MACROD2: variants seen among roughly 807,000 people sequenced by gnomAD.
MACROD2 encodes the protein ADP-ribose glycohydrolase MACROD2.
Under a neutral mutation model 70.4 loss-of-function variants are expected in MACROD2, and 36 were observed. The observed-to-expected ratio is 0.51, with a 90% CI of 0.39 to 0.68. The LOEUF (loss-of-function observed/expected upper bound fraction) is 0.68, where lower values mean the gene tolerates loss of function less well. Ranked by LOEUF, MACROD2 falls within the 30% of genes least tolerant of loss-of-function variation. The probability of loss-of-function intolerance (pLI) is 0.00; values close to 1 mark genes in which losing one functional copy is unlikely to be tolerated. For missense variants in MACROD2, 496 were observed against 538.4 expected (o/e 0.92, Z 0.78); for synonymous variants, 172 against 178.8 (o/e 0.96, Z 0.30).
intron 5 of MACROD2, among the ~76,000 whole-genome samples, chr20:14,844,914 T>C (rs1164287570): frequency 6.6e-6 from 1 of 152,122 alleles, no homozygotes; most frequent in Non-Finnish European, 1.5e-5. Flanking sequence ...CTAATATTCC[T>C]GTCACATTGA....
At chr20:15,845,233 A>T (rs1028072860) in intron 8 of MACROD2, among the ~76,000 whole-genome samples, 17 of 152,160 alleles carry the variant, frequency 1.1e-4, no homozygotes, top group African/African-American at 4.1e-4. Flanking sequence ...TGCTGTTCTT[A>T]TAAGAAGATC....
chr20:15,227,827 T>TTTTTTTTTG (rs2076921836), intron 5 of MACROD2, among the ~76,000 whole-genome samples: 1 of 113,188 alleles, frequency 8.8e-6, no homozygotes, highest in Non-Finnish European at 1.9e-5. Context: ...TCACCTGTTT[T>TTTTTTTTTG]TTTTTTTTTT....
intron 7 of MACROD2, among the ~76,000 whole-genome samples, chr20:15,469,903 C>G (rs1411221510): frequency 6.6e-6 from 1 of 152,090 alleles, no homozygotes; most frequent in Non-Finnish European, 1.5e-5. Context: ...TTTCCACTTT[C>G]TAGAGGCACA....
chr20:14,271,190 T>G (rs2082191688), intron 3 of MACROD2, among the ~76,000 whole-genome samples: 2 of 152,160 alleles, frequency 1.3e-5, no homozygotes, highest in Admixed American at 1.3e-4. Context: ...GACTGCCTCC[T>G]CAAGTGGGTC....
chr20:14,276,166 A>G (rs1274385626), intron 3 of MACROD2, among the ~76,000 whole-genome samples: 1 of 149,588 alleles, frequency 6.7e-6, no homozygotes, highest in Non-Finnish European at 1.5e-5. Flanking sequence ...TGCTATAAAG[A>G]CACATGCACG....
At chr20:14,347,597 C>T (rs1012073358) in intron 3 of MACROD2, among the ~76,000 whole-genome samples, 9 of 152,056 alleles carry the variant, frequency 5.9e-5, no homozygotes, top group African/African-American at 2.2e-4. Flanking sequence ...TTTTGCTCTT[C>T]CAGGGAAGAG....
At chr20:14,592,679 T>C (rs1444298724) in intron 4 of MACROD2, among the ~76,000 whole-genome samples, 20 of 152,148 alleles carry the variant, frequency 1.3e-4, no homozygotes, top group Admixed American at 1.3e-3. Context: ...TGGAGATTGA[T>C]TGGTTTTATT....
At chr20:14,227,696 A>G (rs1333508377) in intron 3 of MACROD2, among the ~76,000 whole-genome samples, 1 of 152,208 alleles carries the variant, frequency 6.6e-6, no homozygotes, top group East Asian at 1.9e-4. Context: ...CCAATTCCGG[A>G]TACACTGGGA....
intron 3 of MACROD2, among the ~76,000 whole-genome samples, chr20:14,173,255 C>A (rs2081237936): frequency 1.3e-5 from 2 of 152,130 alleles, no homozygotes; most frequent in Admixed American, 1.3e-4. Context: ...GATTTCTTTT[C>A]TTCCTTGGGA....
chr20:15,407,822 CAG>C (rs2046024469), intron 6 of MACROD2, among the ~76,000 whole-genome samples: 1 of 152,228 alleles, frequency 6.6e-6, no homozygotes, highest in African/African-American at 2.4e-5. Context: ...ACTAGAATCA[CAG>C]AACATCAGAC....
At chr20:15,090,469 A>G (rs1255850720) in intron 5 of MACROD2, among the ~76,000 whole-genome samples, 1 of 152,138 alleles carries the variant, frequency 6.6e-6, no homozygotes, top group Non-Finnish European at 1.5e-5. Flanking sequence ...TACAAGAACA[A>G]AAGGTACACT....
chr20:14,558,082 T>TA (rs1473718056), intron 4 of MACROD2, among the ~76,000 whole-genome samples: 2 of 151,674 alleles, frequency 1.3e-5, no homozygotes, highest in Non-Finnish European at 3.0e-5. Flanking sequence ...TTGGAAAACT[T>TA]ACGCTGAATG....
chr20:14,810,864 A>G lies in MACROD2; in HGVS notation c.418+125905A>G, dbSNP rs1479743466. On this transcript the variant is annotated intron_variant, in intron 5 of 17. Transcript: ENST00000684519. ...TTGCTACGAAGAGAATAAAATACCTAGAAATACAACTTACAAGGGATGTGA... is the reference window on the plus strand; with the variant it reads ...TTGCTACGAAGAGAATAAAATACCTGGAAATACAACTTACAAGGGATGTGA... Among the ~76,000 whole-genome samples, 5 of 152,136 alleles carry G rather than the reference A, an allele frequency of 3.3e-5. 1 individual carries two copies. Among genetic ancestry groups the G allele is most frequent in the Non-Finnish European group, 7.4e-5 (5 of 68,000 alleles).
rs368188437 is a variant in MACROD2 at position 15,809,033 on chromosome 20, G to A, written c.646-53712G>A. The stretch of plus-strand genomic sequence containing the variant: ...GTGGAGAAACAGAGATCACTAAGCC[G>A]ACAAGAACTATCACTCTTATCCAGA... On this transcript the variant is annotated intron_variant, in intron 8 of 17. Coordinates refer to ENST00000684519, the MANE Select transcript of MACROD2 (RefSeq NM_001351661.2). Among the ~76,000 whole-genome samples, 22 of 152,222 alleles carry A rather than the reference G, an allele frequency of 1.4e-4. No homozygotes were observed. The South Asian group carries it at 2.1e-3, about 14-fold the overall frequency.
chr20:14,245,540 G>T (rs2081962314), intron 3 of MACROD2, among the ~76,000 whole-genome samples: 1 of 152,090 alleles, frequency 6.6e-6, no homozygotes, highest in South Asian at 2.1e-4. Flanking sequence ...ATCCAGCATA[G>T]AACTCAGGTC....
intron 8 of MACROD2, among the ~76,000 whole-genome samples, chr20:15,794,048 C>T (rs1600900764): frequency 6.6e-6 from 1 of 151,586 alleles, no homozygotes; most frequent in Non-Finnish European, 1.5e-5. Context: ...TAGAGAACCA[C>T]TTAAGATGAC....
At chr20:15,284,340 G>T (rs1326374709) in intron 6 of MACROD2, among the ~76,000 whole-genome samples, 3 of 152,084 alleles carry the variant, frequency 2.0e-5, no homozygotes, top group Admixed American at 6.6e-5. Flanking sequence ...TCAGCTCATT[G>T]TATTCCTGTA....
At chr20:14,970,847 G>A (rs2074684319) in intron 5 of MACROD2, among the ~76,000 whole-genome samples, 1 of 151,972 alleles carries the variant, frequency 6.6e-6, no homozygotes, top group South Asian at 2.1e-4. Flanking sequence ...GAACTCCTAT[G>A]CTCAAGCAAT....
intron 2 of MACROD2, among the ~76,000 whole-genome samples, chr20:14,006,780 T>TTA (rs1370872838): frequency 1.3e-5 from 2 of 152,350 alleles, no homozygotes; most frequent in Non-Finnish European, 2.9e-5. Context: ...GCAGAATTTT[T>TTA]TATATTTTGA....
Sources: allele counts gnomAD v4.1 joint callset (sites outside exome capture counted in the v4.1 genomes callset), GRCh38; gene constraint gnomAD v4.1.1; transcripts MANE v1.5; gene names NCBI Gene and HGNC (gene_info 2026-07-23, HGNC 2026-07-21).